The following HIVEP1 variants were observed in gnomAD, a reference collection of about 807,000 sequenced individuals.
The protein encoded by HIVEP1 is HIVEP zinc finger 1, also known as zinc finger protein 40.
A neutral mutation model predicts 180.0 loss-of-function variants in HIVEP1; 36 were observed. That is an observed-to-expected ratio of 0.20 (90% CI 0.15 to 0.26). The LOEUF is 0.26. HIVEP1 is among the 10% of genes least tolerant of loss of function. HIVEP1 has a pLI of 1.00. For synonymous variants in HIVEP1, 1,239 were observed against 1,239.0 expected, an observed-to-expected ratio of 1.00 and a Z score of 0.00; for missense variants, 3,143 against 3,268.7, an observed-to-expected ratio of 0.96 and a Z score of 0.94.
chr6:12,097,208 A>G (rs1773832089), intron 3 of HIVEP1, among the ~76,000 whole-genome samples: 1 of 152,026 alleles, frequency 6.6e-6, no homozygotes, highest in African/African-American at 2.4e-5. Context: ...ATTTTAAAAA[A>G]CAGTATTTGT....
rs114510929 is a variant in HIVEP1 at position 12,019,850 on chromosome 6, T to A, written c.40+4182T>A. ...ACATGTATCTTTCAGGAATGTGAAT[T>A]TTACTTGGGGAAAAATACGTATACT... On this transcript the variant is annotated intron_variant, in intron 2 of 8. Coordinates refer to ENST00000379388, the MANE Select transcript of HIVEP1 (RefSeq NM_002114.4). Among the ~76,000 whole-genome samples, 1,082 of 152,278 alleles carry A rather than the reference T, an allele frequency of 7.1e-3. 6 individuals are homozygous for A. Among genetic ancestry groups the A allele is most frequent in the African/African-American group, 0.016 (655 of 41,554 alleles).
At chr6:12,058,473 T>C (rs1279870881) in intron 2 of HIVEP1, among the ~76,000 whole-genome samples, 1 of 152,184 alleles carries the variant, frequency 6.6e-6, no homozygotes, top group Admixed American at 6.5e-5. Context: ...GAAAGGAACC[T>C]GGAGAGCATT....
In HIVEP1 at chr6:12,089,008, A is replaced by G. The variant is rs1773286113; in HGVS notation, c.41-176A>G. Among the ~76,000 whole-genome samples the G allele has an allele frequency of 3.9e-5, 6 of 152,170 alleles. No individual in the cohort carries two copies. The South Asian group carries it at 1.2e-3, about 32-fold the overall frequency. On this transcript the variant is annotated intron_variant, in intron 2 of 8. Transcript: ENST00000379388. ...TCCTTGTGACTAAGAAATGATTAAA[A>G]TTATGAATTTAAAAGGGAATATATC...
In HIVEP1 at chr6:12,122,545, A is replaced by G; in HGVS notation, c.2750A>G (p.Gln917Arg). 1 of 1,614,240 alleles carries G rather than the reference A, an allele frequency of 6.2e-7. No individual in the cohort carries two copies. Among genetic ancestry groups the G allele is most frequent in the Non-Finnish European group, 8.5e-7 (1 of 1,180,024 alleles). The change falls in exon 4 of 9, where the codon CAG (glutamine) becomes CGG (arginine). Residue 917 changes from glutamine to arginine, a missense_variant. Around this residue, in one of 12 missense-constraint regions of HIVEP1, gnomAD observed 204 missense variants for 243.7 expected, o/e 0.84. Transcript: ENST00000379388. ...ANESHVLGTGQSLDESHQGCH... is the reference protein window; with the variant it reads ...ANESHVLGTGRSLDESHQGCH... ...GAAAGTCATGTTCTTGGTACTGGAC[A>G]GTCCCTGGATGAGAGCCACCAAGGA...
rs777834247 is a variant in HIVEP1, at chr6:12,163,409, C to T, written c.7105C>T (p.Pro2369Ser). Residue 2369 changes from proline (P) to serine (S), a missense_variant, in exon 9 of 9, where the codon CCG becomes TCG. Coordinates refer to ENST00000379388, the MANE Select transcript of HIVEP1 (RefSeq NM_002114.4). Reference sequence around the variant, plus strand: ...ACAGAAGCAGCAAATAACTCTACAGCCGACTCCAGGCTTGCCTTCTCCCCA... The same window carrying T: ...ACAGAAGCAGCAAATAACTCTACAGTCGACTCCAGGCTTGCCTTCTCCCCA... ...QEQKQQITLQ[P>S]TPGLPSPHTH... 1.2e-6 allele frequency: 2 copies of T among 1,614,154 alleles called. No homozygotes were observed. The highest frequency in any genetic ancestry group is 1.7e-6 in the Non-Finnish European group (2 of 1,180,008).
the HIVEP1 span, among the ~76,000 whole-genome samples, chr6:12,178,753 A>G: frequency 6.6e-6 from 1 of 152,242 alleles, no homozygotes; most frequent in South Asian, 2.1e-4. Context: ...CCCTTACATC[A>G]GCTCTAGAGG....
chr6:12,121,954 C>G lies in HIVEP1; in HGVS notation c.2159C>G (p.Ser720Cys). ...GCTCTTGTCACCACGTCAACACCCT[C>G]TGCTTTGCCCACAGGGGAAAAGGCA... ...SAALVTTSTP[S>C]ALPTGEKALL... Residue 720 changes from serine to cysteine, a missense_variant, in exon 4 of 9, where the codon TCT (serine) becomes TGT (cysteine). Transcript: ENST00000379388. The surrounding 1 kb of genome is among the most constrained non-coding windows in gnomAD (Gnocchi z 5.3). The G allele has an allele frequency of 6.2e-7, 1 of 1,614,188 alleles. No homozygotes were observed. Among genetic ancestry groups the G allele is most frequent in the Non-Finnish European group, 8.5e-7 (1 of 1,180,030 alleles).
intron 2 of HIVEP1, among the ~76,000 whole-genome samples, chr6:12,073,178 C>T (rs930103027): frequency 2.0e-4 from 30 of 152,082 alleles, no homozygotes; most frequent in African/African-American, 6.3e-4. Flanking sequence ...TTGAGTTGCC[C>T]GTAGTCTGAA....
intron 2 of HIVEP1, among the ~76,000 whole-genome samples, chr6:12,042,443 C>G (rs540845519): frequency 1.3e-5 from 2 of 150,756 alleles, no homozygotes; most frequent in Admixed American, 6.6e-5. Context: ...TGCAGTGGCC[C>G]GATCACAGCT....
At chr6:12,113,081 C>T (rs562030133) in intron 3 of HIVEP1, among the ~76,000 whole-genome samples, 2 of 152,014 alleles carry the variant, frequency 1.3e-5, no homozygotes, top group African/African-American at 4.8e-5. Context: ...CTGGCCTCGT[C>T]CTGCCCCTCA....
chr6:12,130,757 TTTAAA>T lies in HIVEP1; in HGVS notation c.6210-6_6210-2del. ...CCAATCTCCCTATTCATTTTTTTTC[TTTAAA>T]TTAGATATAAGTCAAATGAAGAGTA... On this transcript the variant is annotated splice_polypyrimidine_tract_variant and splice_region_variant and intron_variant, in intron 5 of 8. Transcript: ENST00000379388. 1.3e-6 allele frequency: 2 copies of T among 1,523,540 alleles called. No individual in the cohort carries two copies. Among genetic ancestry groups the T allele is most frequent in the South Asian group, 2.4e-5 (2 of 83,924 alleles). 94.4% of individuals were successfully genotyped at this position (1,523,540 alleles called of 1,614,324 possible).
At position 12,122,154 on chromosome 6, in the gene HIVEP1, A is replaced by G. The variant is rs983323946; in HGVS notation, c.2359A>G (p.Ile787Val). 6.2e-7 allele frequency: 1 copy of G among 1,614,220 alleles called. No individual in the cohort carries two copies. Among genetic ancestry groups the G allele is most frequent in the Non-Finnish European group, 8.5e-7 (1 of 1,180,010 alleles). ...AAGCATTGATTCCCCCAAATCATAC[A>G]TATTTAAAGATTCTTTCCAGTTTGA... The part of the protein sequence containing the change: ...RGSIDSPKSY[I>V]FKDSFQFDLK... The change falls in exon 4 of 9, where the codon ATA (isoleucine) becomes GTA (valine). Residue 787 changes from isoleucine (I) to valine (V), a missense_variant. This residue lies in a region of HIVEP1 where 32 missense variants were observed against 70.0 expected (regional missense o/e 0.46). Transcript: ENST00000379388.
At chr6:12,033,928 A>C (rs1027240222) in intron 2 of HIVEP1, among the ~76,000 whole-genome samples, 7 of 152,160 alleles carry the variant, frequency 4.6e-5, no homozygotes, top group African/African-American at 1.7e-4. Flanking sequence ...ACATACAGGA[A>C]ATCAGGATTC....
intron 2 of HIVEP1, among the ~76,000 whole-genome samples, chr6:12,030,162 T>C (rs549074573): frequency 1.3e-5 from 2 of 152,320 alleles, no homozygotes; most frequent in African/African-American, 4.8e-5. Context: ...AGCTGTTTAT[T>C]GTGTTGTGTT....
At chr6:12,126,151 G>T (rs543034110) in intron 4 of HIVEP1, among the ~76,000 whole-genome samples, 1 of 152,142 alleles carries the variant, frequency 6.6e-6, no homozygotes, top group Non-Finnish European at 1.5e-5. Flanking sequence ...TTACTTAGTA[G>T]TACAGATGAT....
intron 2 of HIVEP1, among the ~76,000 whole-genome samples, chr6:12,016,538 G>T (rs1017576136): frequency 1.3e-5 from 2 of 151,968 alleles, no homozygotes; most frequent in Admixed American, 6.6e-5. Flanking sequence ...ATGTTTTTTG[G>T]TAAAATCAAT....
chr6:12,110,583 C>A (rs1432387656), intron 3 of HIVEP1, among the ~76,000 whole-genome samples: 3 of 152,208 alleles, frequency 2.0e-5, no homozygotes, highest in Admixed American at 1.3e-4. Context: ...TCACTTGTTT[C>A]AGCCTTCATA....
intron 2 of HIVEP1, among the ~76,000 whole-genome samples, chr6:12,047,717 G>A (rs1015632181): frequency 2.6e-5 from 4 of 152,130 alleles, no homozygotes; most frequent in Admixed American, 1.3e-4. Flanking sequence ...TGTTTCCTTC[G>A]GTTTTCACCC....
chr6:12,120,312 A>C lies in HIVEP1; in HGVS notation c.517A>C (p.Arg173=). The C allele has an allele frequency of 6.2e-7, 1 of 1,614,194 alleles. No individual in the cohort carries two copies. Among genetic ancestry groups the C allele is most frequent in the Non-Finnish European group, 8.5e-7 (1 of 1,180,020 alleles). The change falls in exon 4 of 9, where the codon AGG becomes CGG. Residue 173 remains arginine (R), a synonymous_variant. Coordinates refer to ENST00000379388, the MANE Select transcript of HIVEP1 (RefSeq NM_002114.4). ...CDSSSLSSKT[R]TDNSECISSH... ...CTCAAGTTCCTTGTCAAGTAAAACC[A>C]GGACTGACAATAGCGAATGCATCTC...
Sources: gnomAD v4.1 joint callset for allele counts (sites outside exome capture counted in the v4.1 genomes callset) on GRCh38, gnomAD v4.1.1 for gene constraint, gnomAD v4.1.1 regional missense constraint, Gnocchi (gnomAD v3.1) non-coding constraint, MANE v1.5 for transcripts, NCBI Gene and HGNC (gene_info 2026-07-23, HGNC 2026-07-21) for gene names.